Variants in NKAIN2 observed in about 807,000 individuals in gnomAD.
NKAIN2 encodes the protein sodium/potassium-transporting ATPase subunit beta-1-interacting protein 2.
Under a neutral mutation model 32.6 loss-of-function variants are expected in NKAIN2, and 14 were observed. The observed-to-expected ratio is 0.43, with a 90% CI of 0.28 to 0.67. NKAIN2 has a LOEUF of 0.67. NKAIN2 is among the 30% of genes least tolerant of loss of function. The probability of loss-of-function intolerance (pLI) is 0.17; values close to 1 mark genes in which losing one functional copy is unlikely to be tolerated. For missense variants in NKAIN2, 198 were observed against 258.3 expected, an observed-to-expected ratio of 0.77 and a Z score of 1.60; for synonymous variants, 80 against 87.2, an observed-to-expected ratio of 0.92 and a Z score of 0.46.
At chr6:124,522,364 T>A (rs1779149058) in intron 3 of NKAIN2, among the ~76,000 whole-genome samples, 1 of 152,158 alleles carries the variant, frequency 6.6e-6, no homozygotes, top group African/African-American at 2.4e-5. Flanking sequence ...ATCATGATAT[T>A]TGGTGTAATT....
intron 1 of NKAIN2, among the ~76,000 whole-genome samples, chr6:124,225,520 G>C (rs1188619993): frequency 1.3e-5 from 2 of 151,808 alleles, no homozygotes; most frequent in Non-Finnish European, 2.9e-5. Flanking sequence ...ACTCCAGTCT[G>C]ACTTAAGGAT....
chr6:124,351,814 G>T (rs1338745438), intron 2 of NKAIN2, among the ~76,000 whole-genome samples: 2 of 152,008 alleles, frequency 1.3e-5, no homozygotes, highest in African/African-American at 4.8e-5. Flanking sequence ...TAGAGATGGG[G>T]TTTTGCCACG....
At chr6:123,969,542 G>T (rs1050325020) in intron 1 of NKAIN2, among the ~76,000 whole-genome samples, 4 of 152,170 alleles carry the variant, frequency 2.6e-5, no homozygotes, top group Non-Finnish European at 5.9e-5. Flanking sequence ...AATCTGTGTA[G>T]TAAGACTTTT....
Position 123,919,620 on chromosome 6 carries a change from A to G in NKAIN2, c.54+115366A>G, listed in dbSNP as rs1248128097. Among the ~76,000 whole-genome samples the G allele has an allele frequency of 2.6e-5, 4 of 152,150 alleles. No homozygotes were observed. In the East Asian group the frequency reaches 7.7e-4, roughly 29 times the overall value. Reference sequence around the variant, plus strand: ...TCAAAGCCTCTGAAAACCCTTGAACATTGAAACCTACATGGTGTGTTATCT... The same window carrying G: ...TCAAAGCCTCTGAAAACCCTTGAACGTTGAAACCTACATGGTGTGTTATCT... On this transcript the variant is annotated intron_variant, in intron 1 of 6. Coordinates refer to ENST00000368417, the MANE Select transcript of NKAIN2 (RefSeq NM_001040214.3).
intron 2 of NKAIN2, among the ~76,000 whole-genome samples, chr6:124,303,852 C>A (rs1300877615): frequency 1.3e-5 from 2 of 152,038 alleles, no homozygotes; most frequent in Non-Finnish European, 2.9e-5. Flanking sequence ...AAAATGGAGA[C>A]AAGAGAGTGG....
intron 1 of NKAIN2, among the ~76,000 whole-genome samples, chr6:123,905,903 C>T (rs780992455): frequency 2.0e-5 from 3 of 152,040 alleles, no homozygotes; most frequent in Admixed American, 6.6e-5. Flanking sequence ...TGTATTTTGA[C>T]ATAATAGTGT....
intron 1 of NKAIN2, among the ~76,000 whole-genome samples, chr6:123,955,753 G>A (rs1777549517): frequency 6.6e-6 from 1 of 151,882 alleles, no homozygotes; most frequent in South Asian, 2.1e-4. Flanking sequence ...ATTCTCCTGA[G>A]TATCTGGGAC....
intron 3 of NKAIN2, among the ~76,000 whole-genome samples, chr6:124,617,926 C>T (rs553910162): frequency 6.6e-6 from 1 of 152,222 alleles, no homozygotes; most frequent in Non-Finnish European, 1.5e-5. Context: ...GATACCTGGG[C>T]TTGCTTAAGG....
chr6:124,309,371 G>T (rs1013853408), intron 2 of NKAIN2, among the ~76,000 whole-genome samples: 5 of 151,966 alleles, frequency 3.3e-5, no homozygotes, highest in Admixed American at 6.6e-5. Context: ...ATTTTTGGGG[G>T]ATAATTTATT....
intron 3 of NKAIN2, among the ~76,000 whole-genome samples, chr6:124,389,425 G>C (rs1052037037): frequency 6.6e-6 from 1 of 152,054 alleles, no homozygotes; most frequent in Non-Finnish European, 1.5e-5. Flanking sequence ...GGTTTATTCT[G>C]TGTTAAGCAT....
intron 3 of NKAIN2, among the ~76,000 whole-genome samples, chr6:124,397,534 T>C (rs187981297): frequency 6.6e-6 from 1 of 152,244 alleles, no homozygotes; most frequent in East Asian, 1.9e-4. Context: ...AGAGTTTTTT[T>C]TTTTTAATTA....
intron 1 of NKAIN2, among the ~76,000 whole-genome samples, chr6:123,852,858 G>A (rs1242450813): frequency 6.6e-6 from 1 of 152,170 alleles, no homozygotes; most frequent in African/African-American, 2.4e-5. Flanking sequence ...AAAAAGAGGT[G>A]TTGTTGTGTA....
chr6:123,912,831 A>G (rs1027822525), intron 1 of NKAIN2, among the ~76,000 whole-genome samples: 3 of 152,226 alleles, frequency 2.0e-5, no homozygotes, highest in African/African-American at 7.2e-5. Context: ...TTATAGCAAT[A>G]TAACTGATTG....
chr6:123,886,686 G>T (rs962325642), intron 1 of NKAIN2, among the ~76,000 whole-genome samples: 1 of 152,106 alleles, frequency 6.6e-6, no homozygotes, highest in Non-Finnish European at 1.5e-5. Context: ...GTTAATTTTT[G>T]ATGGAAATGT....
chr6:124,675,359 T>G (rs1167240469), intron 4 of NKAIN2, among the ~76,000 whole-genome samples: 1 of 152,082 alleles, frequency 6.6e-6, no homozygotes, highest in East Asian at 1.9e-4. Context: ...TTTTCTTTCT[T>G]GTAGTGTCTT....
At chr6:124,757,002 T>C (rs1284183058) in intron 4 of NKAIN2, among the ~76,000 whole-genome samples, 1 of 152,180 alleles carries the variant, frequency 6.6e-6, no homozygotes, top group Non-Finnish European at 1.5e-5. Flanking sequence ...TTTTTTCTAC[T>C]TTACATCTAA....
chr6:123,956,497 C>T (rs1276729605), intron 1 of NKAIN2, among the ~76,000 whole-genome samples: 3 of 152,182 alleles, frequency 2.0e-5, no homozygotes, highest in Non-Finnish European at 2.9e-5. Flanking sequence ...GTAGTCCCCT[C>T]TGCAAGCTGA....
At chr6:124,459,968 A>G (rs974697382) in intron 3 of NKAIN2, among the ~76,000 whole-genome samples, 67 of 151,568 alleles carry the variant, frequency 4.4e-4, no homozygotes, top group African/African-American at 1.6e-3. Flanking sequence ...GTCCTGACCT[A>G]CTTTATATTG....
At chr6:124,343,489 C>A (rs1234724627) in intron 2 of NKAIN2, among the ~76,000 whole-genome samples, 7 of 151,734 alleles carry the variant, frequency 4.6e-5, no homozygotes, top group Non-Finnish European at 8.8e-5. Context: ...CTCTCCAGCA[C>A]CTGTTGTTTC....
Sources: allele counts gnomAD v4.1 joint callset (sites outside exome capture counted in the v4.1 genomes callset), GRCh38; gene constraint gnomAD v4.1.1; transcripts MANE v1.5; gene names NCBI Gene and HGNC (gene_info 2026-07-23, HGNC 2026-07-21).